The following DNASE2 variants were observed in gnomAD, a reference collection of about 807,000 sequenced individuals.
The protein encoded by DNASE2 is deoxyribonuclease-2-alpha.
Under a neutral mutation model 29.8 loss-of-function variants are expected in DNASE2, and 26 were observed. The observed-to-expected ratio is 0.87, with a 90% CI of 0.64 to 1.21. The LOEUF is 1.21. Ranked by LOEUF, DNASE2 falls within the 50% of genes most tolerant of loss-of-function variation. DNASE2 has a pLI of 0.00. For synonymous variants in DNASE2, 186 were observed against 193.5 expected, an observed-to-expected ratio of 0.96 and a Z score of 0.32; for missense variants, 415 against 455.6, an observed-to-expected ratio of 0.91 and a Z score of 0.81.
Position 12,875,689 on chromosome 19 carries a change from C to CA in DNASE2, c.*300dup. The stretch of plus-strand genomic sequence containing the variant: ...GGTTACAGATGTGAGCCACTGCACC[C>CA]ACCCGTCCCCCGCCCCCCCTTTTTT... On this transcript the variant is annotated 3_prime_UTR_variant, in exon 6 of 6. Transcript: ENST00000222219. 1 of 295,950 alleles carries CA rather than the reference C, an allele frequency of 3.4e-6. No individual in the cohort carries two copies. The highest frequency in any genetic ancestry group is 6.5e-6 in the Non-Finnish European group (1 of 153,882). 18.3% of individuals were successfully genotyped at this position (295,950 alleles called of 1,614,324 possible).
At position 12,878,704 on chromosome 19, in the gene DNASE2, A is replaced by G. The variant is rs747045824; in HGVS notation, c.477T>C (p.Cys159=). The change falls in exon 4 of 6, where the codon TGT becomes TGC. Residue 159 remains cysteine, a synonymous_variant. Coordinates refer to ENST00000222219, the MANE Select transcript of DNASE2 (RefSeq NM_001375.3). ...AGAACTGAGCGAAGGGAAAAGACAC[A>G]CAGAGCAGGGTCTGCCCGTAGGTAC... ...SACTYGQTLL[C]VSFPFAQFSK... is the part of the protein sequence containing the mutation. The G allele has an allele frequency of 6.2e-7, 1 of 1,614,074 alleles. No homozygotes were observed. Among genetic ancestry groups the G allele is most frequent in the South Asian group, 1.1e-5 (1 of 91,078 alleles).
rs1217485290 is a variant in DNASE2 at position 12,875,485 on chromosome 19, G to C, written c.*505C>G. 1 of 162,556 alleles carries C rather than the reference G, an allele frequency of 6.2e-6. No homozygotes were observed. Among genetic ancestry groups the C allele is most frequent in the Non-Finnish European group, 1.4e-5 (1 of 73,822 alleles). The allele number at this position is 162,556 out of a possible 1,614,324, so 10.1% of individuals were successfully genotyped here. A position where few individuals can be genotyped will look rare whatever the true frequency, so the allele number is the denominator to read the frequency against. ...CAGCTCATGACAACCTCTGCCTCCC[G>C]AGTTCAAGCGATTCTCCTGCCTCAG... On this transcript the variant is annotated 3_prime_UTR_variant, in exon 6 of 6. Transcript: ENST00000222219.
chr19:12,879,385 G>A (rs1300005170), intron 3 of DNASE2, among the ~76,000 whole-genome samples: 1 of 147,566 alleles, frequency 6.8e-6, no homozygotes, highest in Non-Finnish European at 1.5e-5. Context: ...TCGGGAGGCT[G>A]ATGCAGGAGA....
At chr19:12,880,529 G>T (rs147977157) in intron 3 of DNASE2, among the ~76,000 whole-genome samples, 7 of 151,880 alleles carry the variant, frequency 4.6e-5, no homozygotes, top group Non-Finnish European at 1.0e-4. Flanking sequence ...GTGATGGTGC[G>T]CCTTTAATAC....
intron 3 of DNASE2, 133 bp downstream of exon 3, chr19:12,880,669 A>G (rs1276144559): frequency 1.2e-5 from 13 of 1,116,838 alleles, no homozygotes; most frequent in Non-Finnish European, 1.7e-5. Context: ...AAAAACAAAG[A>G]AAAAAAAAAG....
Position 12,875,820 on chromosome 19 carries a change from A to G in DNASE2, c.*170T>C. ...TCCTCTGGCTTCAGTGGCTGGGACT[A>G]CAGGCATTTATCACCGTGCCTGGCT... On this transcript the variant is annotated 3_prime_UTR_variant, in exon 6 of 6. Coordinates refer to ENST00000222219, the MANE Select transcript of DNASE2 (RefSeq NM_001375.3). 1 of 723,502 alleles carries G rather than the reference A, an allele frequency of 1.4e-6. No individual in the cohort carries two copies. Among genetic ancestry groups the G allele is most frequent in the South Asian group, 1.9e-5 (1 of 52,696 alleles). The allele number at this position is 723,502 out of a possible 1,614,324, so 44.8% of individuals were successfully genotyped here.
intron 3 of DNASE2, among the ~76,000 whole-genome samples, chr19:12,879,484 C>CAAAA (rs35693082): frequency 2.8e-5 from 2 of 71,168 alleles, no homozygotes; most frequent in Admixed American, 3.1e-4. Context: ...AACTCCTTCT[C>CAAAA]AAAAAAAAAA....
chr19:12,881,274 C>T lies in DNASE2; in HGVS notation c.86+16G>A, dbSNP rs544404420. On this transcript the variant is annotated intron_variant, in intron 1 of 5. Transcript: ENST00000222219. The stretch of plus-strand genomic sequence containing the variant: ...CGGACCCCGGGGCGATGGTAGGCCC[C>T]CCGCTGCGCACTCACCAGTCTACAG... 1.3e-6 allele frequency: 2 copies of T among 1,581,518 alleles called. No individual in the cohort carries two copies. Among genetic ancestry groups the T allele is most frequent in the African/African-American group, 1.4e-5 (1 of 74,024 alleles).
chr19:12,878,437 T>C lies in DNASE2; in HGVS notation c.654A>G (p.Thr218=). 6.2e-7 allele frequency: 1 copy of C among 1,613,668 alleles called. No individual in the cohort carries two copies. The highest frequency in any genetic ancestry group is 8.5e-7 in the Non-Finnish European group (1 of 1,180,028). Residue 218 remains threonine, a synonymous_variant, in exon 5 of 6, where the codon ACA becomes ACG. Transcript: ENST00000222219. ...QEPWNSSITL[T]SQAGAVFQSF... ...TCTGGAAAACAGCCCCGGCCTGGGA[T>C]GTGAGTGTGATGCTGCTGTTCCAGG...
chr19:12,880,099 C>T (rs561892183), intron 3 of DNASE2, among the ~76,000 whole-genome samples: 2 of 75,194 alleles, frequency 2.7e-5, no homozygotes, highest in Non-Finnish European at 5.0e-5. Context: ...AGAGAGAGTG[C>T]CGCAAAAAAA....
chr19:12,877,324 C>G (rs776552218), intron 5 of DNASE2, among the ~76,000 whole-genome samples: 1 of 151,746 alleles, frequency 6.6e-6, no homozygotes, highest in Non-Finnish European at 1.5e-5. Flanking sequence ...CTTGCAGCCT[C>G]GACCTCCTGG....
In DNASE2 at chr19:12,878,552, C is replaced by G. The variant is rs1377911542; in HGVS notation, c.539G>C (p.Trp180Ser). Residue 180 changes from tryptophan (W) to serine (S), a missense_variant, in exon 5 of 6, where the codon TGG becomes TCG. Coordinates refer to ENST00000222219, the MANE Select transcript of DNASE2 (RefSeq NM_001375.3). ...MGKQLTYTYP[W>S]VYNYQLEGIF... is the part of the protein sequence containing the mutation. ...CCCTTCCAGCTGGTAGTTATAGACC[C>G]AGGGGTAGGTGTAGGTCAGCTGCTT... The G allele has an allele frequency of 6.2e-7, 1 of 1,614,062 alleles. No homozygotes were observed. The highest frequency in any genetic ancestry group is 1.3e-5 in the African/African-American group (1 of 75,006).
chr19:12,878,284 A>C (rs1459189323), intron 5 of DNASE2, 98 bp downstream of exon 5: 7 of 1,479,214 alleles, frequency 4.7e-6, no homozygotes, highest in Non-Finnish European at 6.6e-6. Context: ...GCTCCCAAAC[A>C]GACCTGGTCT....
rs1214378069 is a variant in DNASE2, at chr19:12,876,135, T to C, written c.938A>G (p.Asn313Ser). 6.2e-7 allele frequency: 1 copy of C among 1,614,196 alleles called. No individual in the cohort carries two copies. Among genetic ancestry groups the C allele is most frequent in the East Asian group, 2.2e-5 (1 of 44,882 alleles). The change falls in exon 6 of 6, where the codon AAT becomes AGT. Residue 313 changes from asparagine (N) to serine (S), a missense_variant. Transcript: ENST00000222219. ...CCGTTGCTCCTCTCCCTGGTTCCGA[T>C]TCATGTCACCCACGCAGGTCCAGGG... The part of the protein sequence containing the change: ...KGPWTCVGDM[N>S]RNQGEEQRGG...
chr19:12,881,350 A>T lies in DNASE2; in HGVS notation c.26T>A (p.Leu9Gln). The T allele has an allele frequency of 6.4e-7, 1 of 1,564,118 alleles. No homozygotes were observed. The highest frequency in any genetic ancestry group is 8.7e-7 in the Non-Finnish European group (1 of 1,155,416). Residue 9 changes from leucine (L) to glutamine (Q), a missense_variant, in exon 1 of 6, where the codon CTG (leucine) becomes CAG (glutamine). Leu to Gln is a moderately radical substitution (Grantham distance 113). Transcript: ENST00000222219. Reference protein sequence around the residue: MIPLLLAALLCVPAGALTC... With the variant: MIPLLLAAQLCVPAGALTC... ...CAGGGCCCCGGCGGGGACGCACAGC[A>T]GCGCTGCCAGCAGCAGCGGGATCAT...
chr19:12,881,035 G>A lies in DNASE2; in HGVS notation c.204C>T (p.Ile68=), dbSNP rs751188469. The A allele has an allele frequency of 6.2e-7, 1 of 1,613,702 alleles. No individual in the cohort carries two copies. The highest frequency in any genetic ancestry group is 8.5e-7 in the Non-Finnish European group (1 of 1,180,012). The part of the protein sequence containing the change: ...SGGWRDGRAL[I]NSPEGAVGRS... The stretch of plus-strand genomic sequence containing the variant: ...GGCCCACGGCCCCCTCCGGGCTGTT[G>A]ATGAGTGCCCTGCCGTCCCGCCAGC... Residue 68 remains isoleucine, a synonymous_variant, in exon 2 of 6, where the codon ATC becomes ATT. Transcript: ENST00000222219.
At chr19:12,876,580 C>A (rs1489145442) in intron 5 of DNASE2, among the ~76,000 whole-genome samples, 1 of 151,070 alleles carries the variant, frequency 6.6e-6, no homozygotes, top group Non-Finnish European at 1.5e-5. Flanking sequence ...CTGCCTCAGC[C>A]TTCTGAGTAG....
chr19:12,877,637 C>G (rs1025019059), intron 5 of DNASE2, among the ~76,000 whole-genome samples: 1 of 147,624 alleles, frequency 6.8e-6, no homozygotes, highest in Non-Finnish European at 1.5e-5. Context: ...GCTCCACCTT[C>G]CGGGTTCACG....
rs1970312829 is a variant in DNASE2, at chr19:12,875,851, T to G, written c.*139A>C. The G allele has an allele frequency of 8.6e-7, 1 of 1,164,934 alleles. No homozygotes were observed. The highest frequency in any genetic ancestry group is 1.2e-6 in the Non-Finnish European group (1 of 837,526). The allele number at this position is 1,164,934 out of a possible 1,614,324, so 72.2% of individuals were successfully genotyped here. A position where few individuals can be genotyped will look rare whatever the true frequency, so the allele number is the denominator to read the frequency against. ...ATTTATCACCGTGCCTGGCTAACTT[T>G]TTTTAAGTTCTAGTAGAGATGTGGT... is the stretch of plus-strand genomic sequence containing the variant. On this transcript the variant is annotated 3_prime_UTR_variant, in exon 6 of 6. Coordinates refer to ENST00000222219, the MANE Select transcript of DNASE2 (RefSeq NM_001375.3).
Sources: allele counts gnomAD v4.1 joint callset (sites outside exome capture counted in the v4.1 genomes callset), GRCh38; gene constraint gnomAD v4.1.1; transcripts MANE v1.5; gene names NCBI Gene and HGNC (gene_info 2026-07-23, HGNC 2026-07-21).